Variants in SEC14L1 observed in about 807,000 individuals in gnomAD.
SEC14L1 encodes SEC14 like lipid binding 1, also known as SEC14-like protein 1.
A neutral mutation model predicts 85.3 loss-of-function variants in SEC14L1; 48 were observed. That is an observed-to-expected ratio of 0.56 (90% CI 0.45 to 0.72). SEC14L1 has a LOEUF of 0.72. SEC14L1 is among the 30% of genes least tolerant of loss of function. The pLI, the probability that SEC14L1 is intolerant of heterozygous loss-of-function variation, is 0.00. For synonymous variants in SEC14L1, 391 were observed against 355.5 expected (o/e 1.10, Z -1.12); for missense variants, 682 against 921.4 (o/e 0.74, Z 3.36).
chr17:77,149,539 ATAAAAT>A (rs1973462223), intron 3 of SEC14L1, among the ~76,000 whole-genome samples: 1 of 152,188 alleles, frequency 6.6e-6, no homozygotes, highest in Admixed American at 6.5e-5. Flanking sequence ...CTATAAAAAA[ATAAAAT>A]TAAAATAAAT....
At chr17:77,209,589 C>G in intron 14 of SEC14L1, 113 bp downstream of exon 14, 3 of 1,166,688 alleles carry the variant, frequency 2.6e-6, no homozygotes, top group South Asian at 3.4e-5. Flanking sequence ...TTTTTCTGCT[C>G]TTTGTCTTTA....
intron 3 of SEC14L1, among the ~76,000 whole-genome samples, chr17:77,183,039 T>C (rs1975106691): frequency 6.6e-6 from 1 of 152,258 alleles, no homozygotes; most frequent in African/African-American, 2.4e-5. Flanking sequence ...ACCTAAAATT[T>C]GTACACGTTT....
chr17:77,216,937 C>T lies in SEC14L1; in HGVS notation c.*2914C>T, dbSNP rs994910679. The stretch of plus-strand genomic sequence containing the variant: ...TAGTACTAATGATTCTTTGATTCTC[C>T]CTCTATTATGTCTTAATTCACTTTC... On this transcript the variant is annotated 3_prime_UTR_variant, in exon 17 of 17. Transcript: ENST00000436233. 5 of 202,556 alleles carry T rather than the reference C, an allele frequency of 2.5e-5. No homozygotes were observed. The highest frequency in any genetic ancestry group is 5.3e-5 in the Admixed American group (1 of 18,800). 12.5% of individuals were successfully genotyped at this position (202,556 alleles called of 1,614,324 possible).
chr17:77,100,686 C>T (rs112313928), intron 3 of SEC14L1, among the ~76,000 whole-genome samples: 1 of 152,146 alleles, frequency 6.6e-6, no homozygotes, highest in African/African-American at 2.4e-5. Context: ...ATCCACCCAC[C>T]TCGGCCTCCC....
Position 77,203,563 on chromosome 17 carries a change from T to C in SEC14L1, c.1010-7T>C, listed in dbSNP as rs1422756289. The C allele has an allele frequency of 6.2e-7, 1 of 1,613,064 alleles. No individual in the cohort carries two copies. Among genetic ancestry groups the C allele is most frequent in the Non-Finnish European group, 8.5e-7 (1 of 1,179,376 alleles). ...GCTGACAACTCATTCCTTCCCCTCC[T>C]CTGCAGATGGGCGGCCCCTCTACGT... On this transcript the variant is annotated splice_region_variant and splice_polypyrimidine_tract_variant and intron_variant, in intron 9 of 16. Transcript: ENST00000436233.
chr17:77,158,163 C>T (rs1398625115), intron 3 of SEC14L1, among the ~76,000 whole-genome samples: 1 of 152,234 alleles, frequency 6.6e-6, no homozygotes, highest in African/African-American at 2.4e-5. Context: ...GCTGGGATTA[C>T]AGGCGTGAGC....
At chr17:77,166,445 C>CT in intron 3 of SEC14L1, among the ~76,000 whole-genome samples, 2 of 152,306 alleles carry the variant, frequency 1.3e-5, no homozygotes, top group East Asian at 3.9e-4. Flanking sequence ...AGAATGGTAA[C>CT]TGGAGTGGGG....
chr17:77,179,964 G>A (rs975049741), intron 3 of SEC14L1, among the ~76,000 whole-genome samples: 4 of 149,750 alleles, frequency 2.7e-5, no homozygotes, highest in Admixed American at 1.3e-4. Context: ...GGCATGAGCC[G>A]CCGCGCCTGG....
chr17:77,163,391 T>TTTTTC (rs6146155), intron 3 of SEC14L1, among the ~76,000 whole-genome samples: 5 of 152,028 alleles, frequency 3.3e-5, no homozygotes, highest in Admixed American at 6.6e-5. Context: ...CTAAGACTGG[T>TTTTTC]TCAGTCAGAG....
chr17:77,141,805 T>G (rs1009495875), intron 1 of SEC14L1: 2 of 152,238 alleles, frequency 1.3e-5, no homozygotes, highest in Non-Finnish European at 2.9e-5. Context: ...TTTTTGCTTC[T>G]TCCCCCAACT....
intron 3 of SEC14L1, among the ~76,000 whole-genome samples, chr17:77,103,324 G>C (rs1274699481): frequency 1.3e-5 from 2 of 152,036 alleles, no homozygotes; most frequent in Admixed American, 6.6e-5. Flanking sequence ...TGTTGGCCAA[G>C]CTGGTCTAGA....
chr17:77,198,641 C>T (rs1343834257), intron 8 of SEC14L1, among the ~76,000 whole-genome samples: 1 of 150,444 alleles, frequency 6.6e-6, no homozygotes, highest in Non-Finnish European at 1.5e-5. Context: ...GTGGCGCGAT[C>T]TCGGCTCACT....
chr17:77,113,683 T>C (rs990006887), intron 3 of SEC14L1, among the ~76,000 whole-genome samples: 19 of 152,046 alleles, frequency 1.2e-4, no homozygotes, highest in Admixed American at 2.0e-4. Flanking sequence ...GAAGCAGAGG[T>C]TGCTATGAGC....
At chr17:77,089,834 G>C (rs1445252487) in intron 2 of SEC14L1, 4 of 172,490 alleles carry the variant, frequency 2.3e-5, no homozygotes, top group African/African-American at 7.2e-5. Context: ...TGGCCAACAT[G>C]ATGAAACCCC....
chr17:77,191,963 A>G (rs1975564640), intron 5 of SEC14L1, among the ~76,000 whole-genome samples: 1 of 150,768 alleles, frequency 6.6e-6, no homozygotes, highest in South Asian at 2.1e-4. Context: ...CGCCCGGCTA[A>G]TTTTTGTATT....
intron 3 of SEC14L1, among the ~76,000 whole-genome samples, chr17:77,167,964 T>C (rs756695330): frequency 9.2e-5 from 14 of 152,028 alleles, no homozygotes; most frequent in Non-Finnish European, 2.1e-4. Context: ...AGGGAAGGGG[T>C]TTTTATCCCT....
At chr17:77,091,539 C>A (rs567534814) in intron 2 of SEC14L1, among the ~76,000 whole-genome samples, 1 of 152,332 alleles carries the variant, frequency 6.6e-6, no homozygotes, top group South Asian at 2.1e-4. Flanking sequence ...CCAGAGCAGC[C>A]GCAAGCCACA....
intron 3 of SEC14L1, among the ~76,000 whole-genome samples, chr17:77,135,313 C>T (rs992366612): frequency 6.8e-6 from 1 of 147,194 alleles, no homozygotes; most frequent in Non-Finnish European, 1.5e-5. Context: ...ACCATACTCC[C>T]ACCAGTAACT....
rs867116745 is a variant in SEC14L1 at position 77,216,102 on chromosome 17, G to A, written c.*2079G>A. 2.8e-4 allele frequency: 273 copies of A among 990,652 alleles called. No individual in the cohort carries two copies. The highest frequency in any genetic ancestry group is 1.8e-3 in the South Asian group (42 of 23,442). The allele number at this position is 990,652 out of a possible 1,614,324, so 61.4% of individuals were successfully genotyped here. On this transcript the variant is annotated 3_prime_UTR_variant, in exon 17 of 17. Coordinates refer to ENST00000436233, the MANE Select transcript of SEC14L1 (RefSeq NM_001143998.2). Reference sequence around the variant, plus strand: ...TAGGGTTAGTAGGTAGGGCTAGTAGGTAGGGTTCGTAGGTAGGGTTAGTAG... The same window carrying A: ...TAGGGTTAGTAGGTAGGGCTAGTAGATAGGGTTCGTAGGTAGGGTTAGTAG...
Sources: allele counts gnomAD v4.1 joint callset (sites outside exome capture counted in the v4.1 genomes callset), GRCh38; gene constraint gnomAD v4.1.1; transcripts MANE v1.5; gene names NCBI Gene and HGNC (gene_info 2026-07-23, HGNC 2026-07-21).